Variants in NLGN1 observed in about 807,000 individuals in gnomAD.
The protein encoded by NLGN1 is neuroligin 1, also known as neuroligin-1.
NLGN1 carries 12 observed loss-of-function variants against 65.5 expected under a neutral mutation model. The observed-to-expected ratio is 0.18, with a 90% CI of 0.12 to 0.30. The LOEUF is 0.30. Among genes scored for constraint, NLGN1 ranks in the 10% least tolerant of loss-of-function variants. NLGN1 has a pLI of 1.00. For synonymous variants in NLGN1, 350 were observed against 359.5 expected (o/e 0.97, Z 0.30); for missense variants, 750 against 1,007.1 (o/e 0.74, Z 3.46).
intron 3 of NLGN1, among the ~76,000 whole-genome samples, chr3:173,636,549 C>T (rs550959925): frequency 1.7e-4 from 26 of 151,776 alleles, no homozygotes; most frequent in African/African-American, 5.6e-4. Context: ...CTTAGCATAT[C>T]GTTTTTTTTT....
At chr3:174,063,762 T>A (rs1737895568) in intron 4 of NLGN1, among the ~76,000 whole-genome samples, 1 of 152,120 alleles carries the variant, frequency 6.6e-6, no homozygotes, top group Non-Finnish European at 1.5e-5. Context: ...TAACAGTTGG[T>A]AAATTTAGGA....
chr3:174,205,841 A>G (rs1735296944), intron 4 of NLGN1, among the ~76,000 whole-genome samples: 1 of 152,194 alleles, frequency 6.6e-6, no homozygotes, highest in Admixed American at 6.5e-5. Context: ...ATTTTTAAGT[A>G]TGTCCCAGAA....
At chr3:174,118,150 C>A (rs891775547) in intron 4 of NLGN1, among the ~76,000 whole-genome samples, 1 of 152,174 alleles carries the variant, frequency 6.6e-6, no homozygotes, top group African/African-American at 2.4e-5. Context: ...TTGCCACTTA[C>A]AACTGCTCAG....
chr3:174,001,022 C>T (rs1723181095), intron 4 of NLGN1, among the ~76,000 whole-genome samples: 1 of 152,100 alleles, frequency 6.6e-6, no homozygotes, highest in South Asian at 2.1e-4. Context: ...TCCCCACCCA[C>T]CTCCACAGAC....
At chr3:173,454,152 A>G (rs1722114750) in intron 2 of NLGN1, among the ~76,000 whole-genome samples, 1 of 152,214 alleles carries the variant, frequency 6.6e-6, no homozygotes, top group African/African-American at 2.4e-5. Flanking sequence ...ATTCCTGAAC[A>G]GCAGGTCTTA....
At chr3:173,822,286 A>G (rs1380965455) in intron 4 of NLGN1, among the ~76,000 whole-genome samples, 1 of 152,156 alleles carries the variant, frequency 6.6e-6, no homozygotes, top group African/African-American at 2.4e-5. Context: ...TTCTCTACCT[A>G]TTCAGAGTCA....
intron 2 of NLGN1, among the ~76,000 whole-genome samples, chr3:173,598,885 T>C (rs1248404282): frequency 6.6e-6 from 1 of 152,124 alleles, no homozygotes; most frequent in Non-Finnish European, 1.5e-5. Context: ...GCTTTGGGGC[T>C]CCTCTGATTA....
chr3:174,088,782 A>AAATG (rs1314473622), intron 4 of NLGN1, among the ~76,000 whole-genome samples: 5 of 149,600 alleles, frequency 3.3e-5, no homozygotes, highest in African/African-American at 1.2e-4. Flanking sequence ...ATAAATAAAT[A>AAATG]AATAAATAAA....
chr3:173,811,555 G>GA (rs1345989679), intron 4 of NLGN1, among the ~76,000 whole-genome samples: 2 of 118,878 alleles, frequency 1.7e-5, no homozygotes, highest in Non-Finnish European at 1.6e-5. Context: ...TGACAAGAGT[G>GA]AACTCCGTCT....
chr3:174,203,149 T>A (rs555774285), intron 4 of NLGN1, among the ~76,000 whole-genome samples: 1 of 152,178 alleles, frequency 6.6e-6, no homozygotes, highest in Non-Finnish European at 1.5e-5. Context: ...TCGCCATTTC[T>A]ACCCATCAGC....
intron 3 of NLGN1, among the ~76,000 whole-genome samples, chr3:173,773,373 C>T (rs1005995036): frequency 2.0e-5 from 3 of 152,150 alleles, no homozygotes; most frequent in African/African-American, 7.2e-5. Flanking sequence ...GAGCATTGGA[C>T]TAAGTTCACA....
chr3:173,440,562 G>A (rs758541589), intron 2 of NLGN1, among the ~76,000 whole-genome samples: 3 of 152,094 alleles, frequency 2.0e-5, no homozygotes, highest in East Asian at 1.9e-4. Context: ...GCATGAAAAC[G>A]ACATTAATCT....
chr3:173,553,810 G>A (rs1741274441), intron 2 of NLGN1, among the ~76,000 whole-genome samples: 1 of 152,056 alleles, frequency 6.6e-6, no homozygotes, highest in Non-Finnish European at 1.5e-5. Context: ...ACTAACAGAA[G>A]GGCTCTTAGC....
intron 2 of NLGN1, among the ~76,000 whole-genome samples, chr3:173,534,417 T>C (rs1175012811): frequency 1.3e-5 from 2 of 152,194 alleles, no homozygotes; most frequent in Non-Finnish European, 2.9e-5. Flanking sequence ...CACTGGGGGC[T>C]TTTCTTCAAA....
At chr3:174,261,526 C>T (rs1309192242) in intron 4 of NLGN1, among the ~76,000 whole-genome samples, 2 of 145,980 alleles carry the variant, frequency 1.4e-5, no homozygotes, top group African/African-American at 5.1e-5. Context: ...GATTTTTGTA[C>T]ATTGATTTTG....
At chr3:174,220,174 T>C (rs989993689) in intron 4 of NLGN1, among the ~76,000 whole-genome samples, 1 of 152,082 alleles carries the variant, frequency 6.6e-6, no homozygotes, top group Non-Finnish European at 1.5e-5. Flanking sequence ...GTGAGCAGAT[T>C]CTGGTAGAAA....
At chr3:174,040,683 G>A (rs1027143811) in intron 4 of NLGN1, among the ~76,000 whole-genome samples, 3 of 151,986 alleles carry the variant, frequency 2.0e-5, no homozygotes, top group African/African-American at 7.2e-5. Context: ...ATTCTGGGGT[G>A]TTAGGAATTA....
intron 2 of NLGN1, among the ~76,000 whole-genome samples, chr3:173,547,979 C>T (rs1740184752): frequency 1.3e-5 from 2 of 151,882 alleles, no homozygotes; most frequent in Admixed American, 6.6e-5. Flanking sequence ...GGGAGTAGTG[C>T]TAAGGTATTT....
intron 4 of NLGN1, among the ~76,000 whole-genome samples, chr3:173,984,502 A>G (rs1719469896): frequency 6.6e-6 from 1 of 152,160 alleles, no homozygotes; most frequent in African/African-American, 2.4e-5. Flanking sequence ...TCTGTCTTGG[A>G]GATTCAAATT....
Sources: allele counts gnomAD v4.1 joint callset (sites outside exome capture counted in the v4.1 genomes callset), GRCh38; gene constraint gnomAD v4.1.1; transcripts MANE v1.5; gene names NCBI Gene and HGNC (gene_info 2026-07-23, HGNC 2026-07-21).